Variants in NT5DC1 observed in about 807,000 individuals in gnomAD.
The protein encoded by NT5DC1 is 5'-nucleotidase domain containing 1.
A neutral mutation model predicts 59.4 loss-of-function variants in NT5DC1; 42 were observed. The observed-to-expected ratio is 0.71, with a 90% CI of 0.55 to 0.92. The LOEUF (loss-of-function observed/expected upper bound fraction) is 0.92. Among genes scored for constraint, NT5DC1 ranks in the 40% least tolerant of loss-of-function variants. The pLI, the probability that NT5DC1 is intolerant of heterozygous loss-of-function variation, is 0.00. For synonymous variants in NT5DC1, 172 were observed against 188.1 expected (o/e 0.91, Z 0.70); for missense variants, 501 against 537.1 (o/e 0.93, Z 0.66).
At chr6:116,203,413 C>T (rs532710619) in intron 6 of NT5DC1, among the ~76,000 whole-genome samples, 1 of 151,986 alleles carries the variant, frequency 6.6e-6, no homozygotes, top group South Asian at 2.1e-4. Flanking sequence ...GGAGAGACAC[C>T]TAACACCACA....
intron 3 of NT5DC1, among the ~76,000 whole-genome samples, chr6:116,108,818 T>TG (rs935206833): frequency 4.9e-4 from 74 of 152,312 alleles, no homozygotes; most frequent in African/African-American, 1.7e-3. Context: ...GAATGGGTAT[T>TG]GGGTAGGGGT....
chr6:116,103,284 T>G (rs1778700311), intron 1 of NT5DC1, among the ~76,000 whole-genome samples: 1 of 152,048 alleles, frequency 6.6e-6, no homozygotes, highest in Admixed American at 6.5e-5. Flanking sequence ...TGAATGGATT[T>G]AATCCTTACA....
intron 6 of NT5DC1, among the ~76,000 whole-genome samples, chr6:116,181,506 T>C (rs1487270376): frequency 6.6e-6 from 1 of 152,082 alleles, no homozygotes; most frequent in African/African-American, 2.4e-5. Context: ...AAGAACTTCT[T>C]TAATCCCATT....
chr6:116,157,315 C>A (rs144567712), intron 6 of NT5DC1, among the ~76,000 whole-genome samples: 1 of 152,098 alleles, frequency 6.6e-6, no homozygotes, highest in African/African-American at 2.4e-5. Flanking sequence ...CAGTTGTCAA[C>A]GTAACTTGGT....
intron 6 of NT5DC1, among the ~76,000 whole-genome samples, chr6:116,179,019 C>A (rs918161524): frequency 3.3e-5 from 5 of 152,238 alleles, no homozygotes; most frequent in Admixed American, 6.5e-5. Flanking sequence ...ATGGTAATTT[C>A]TTGGCCCTAA....
chr6:116,213,219 G>A (rs967019159), intron 6 of NT5DC1, among the ~76,000 whole-genome samples: 1 of 152,030 alleles, frequency 6.6e-6, no homozygotes. Flanking sequence ...GATGTCAGTG[G>A]GGACAGTAGT....
chr6:116,222,794 C>CT (rs796666277), intron 7 of NT5DC1, among the ~76,000 whole-genome samples: 31 of 152,072 alleles, frequency 2.0e-4, no homozygotes, highest in African/African-American at 2.9e-4. Context: ...GTGCTACTCT[C>CT]TTTTTTTTCC....
intron 5 of NT5DC1, 49 bp from the exon 6 acceptor site, chr6:116,117,812 C>A: frequency 2.7e-6 from 3 of 1,093,886 alleles, no homozygotes; most frequent in South Asian, 1.3e-5. Context: ...TTTCACTATG[C>A]TTAAAAACTG....
intron 6 of NT5DC1, among the ~76,000 whole-genome samples, chr6:116,135,855 A>G (rs1438695272): frequency 3.4e-5 from 4 of 118,406 alleles, no homozygotes; most frequent in African/African-American, 1.4e-4. Flanking sequence ...ATATATATAT[A>G]TATATATATA....
chr6:116,226,035 A>G (rs1322164906), intron 8 of NT5DC1, among the ~76,000 whole-genome samples: 4 of 152,232 alleles, frequency 2.6e-5, no homozygotes, highest in Non-Finnish European at 5.9e-5. Flanking sequence ...AGTAGTGCCA[A>G]GGCTAAGAAA....
At chr6:116,172,825 T>G (rs1289838860) in intron 6 of NT5DC1, among the ~76,000 whole-genome samples, 1 of 152,184 alleles carries the variant, frequency 6.6e-6, no homozygotes, top group African/African-American at 2.4e-5. Flanking sequence ...AATTTGACCT[T>G]TAGGAAAATC....
At chr6:116,165,671 G>C (rs1780447206) in intron 6 of NT5DC1, among the ~76,000 whole-genome samples, 1 of 152,186 alleles carries the variant, frequency 6.6e-6, no homozygotes, top group South Asian at 2.1e-4. Flanking sequence ...CCCATTCAGT[G>C]ATCAGTTTGT....
At chr6:116,134,645 A>G (rs1179987895) in intron 6 of NT5DC1, among the ~76,000 whole-genome samples, 1 of 152,166 alleles carries the variant, frequency 6.6e-6, no homozygotes, top group Non-Finnish European at 1.5e-5. Context: ...AGTCTTTCCA[A>G]ACCTTTCCTT....
chr6:116,212,107 A>G (rs1408743259), intron 6 of NT5DC1, among the ~76,000 whole-genome samples: 1 of 152,104 alleles, frequency 6.6e-6, no homozygotes, highest in African/African-American at 2.4e-5. Context: ...TATTTTATCA[A>G]TTCTTTTTCA....
intron 6 of NT5DC1, among the ~76,000 whole-genome samples, chr6:116,144,298 C>G (rs536917533): frequency 1.3e-5 from 2 of 152,246 alleles, no homozygotes; most frequent in Non-Finnish European, 2.9e-5. Flanking sequence ...GTCAGGAGAT[C>G]AAGACCATCC....
At position 116,200,474 on chromosome 6, in the gene NT5DC1, G is replaced by C. The variant is rs562026556; in HGVS notation, c.530-20580G>C. On this transcript the variant is annotated intron_variant, in intron 6 of 11. Transcript: ENST00000319550. ...CATAATATTGAAAGATATTGATAGG[G>C]AAATTGAGTGTGAGGTGTATGGGAA... Among the ~76,000 whole-genome samples the C allele has an allele frequency of 4.5e-4, 69 of 152,052 alleles. 1 individual carries two copies. The South Asian group carries it at 0.014, about 31-fold the overall frequency.
chr6:116,156,016 C>T (rs367702624), intron 6 of NT5DC1, among the ~76,000 whole-genome samples: 7 of 152,220 alleles, frequency 4.6e-5, no homozygotes, highest in African/African-American at 1.7e-4. Flanking sequence ...TCAAGAGTAG[C>T]TTTTATCTCC....
chr6:116,200,123 C>CT (rs936929329), intron 6 of NT5DC1, among the ~76,000 whole-genome samples: 4 of 151,924 alleles, frequency 2.6e-5, no homozygotes, highest in East Asian at 1.9e-4. Context: ...GAGAGTGGCA[C>CT]TTTATCTCCA....
At chr6:116,137,758 A>G (rs1451688938) in intron 6 of NT5DC1, among the ~76,000 whole-genome samples, 2 of 152,198 alleles carry the variant, frequency 1.3e-5, no homozygotes, top group Non-Finnish European at 2.9e-5. Flanking sequence ...AAAACCAGTT[A>G]TCTTTTAGAG....
Sources: allele counts gnomAD v4.1 joint callset (sites outside exome capture counted in the v4.1 genomes callset), GRCh38; gene constraint gnomAD v4.1.1; transcripts MANE v1.5; gene names NCBI Gene and HGNC (gene_info 2026-07-23, HGNC 2026-07-21).